Variants in BTC observed in about 807,000 individuals in gnomAD.
BTC encodes betacellulin.
In BTC, 13 loss-of-function variants were observed where a neutral mutation model predicts 18.1. The observed-to-expected ratio is 0.72, with a 90% CI of 0.47 to 1.14. The LOEUF (loss-of-function observed/expected upper bound fraction) is 1.14, where lower values mean the gene tolerates loss of function less well. Among genes scored for constraint, BTC ranks in the 50% most tolerant of loss-of-function variants. The pLI is 0.00. For synonymous variants in BTC, 83 were observed against 79.4 expected (o/e 1.05, Z -0.24); for missense variants, 247 against 224.2 (o/e 1.10, Z -0.65).
At chr4:74,774,475 C>A (rs563456122) in intron 1 of BTC, among the ~76,000 whole-genome samples, 2 of 152,050 alleles carry the variant, frequency 1.3e-5, no homozygotes, top group Non-Finnish European at 2.9e-5. Flanking sequence ...GTGCAAAGAT[C>A]TGCTATTTAC....
intron 2 of BTC, among the ~76,000 whole-genome samples, chr4:74,765,778 C>T (rs941569753): frequency 1.3e-5 from 2 of 152,114 alleles, no homozygotes; most frequent in African/African-American, 4.8e-5. Context: ...CTCCATCACA[C>T]TCAGTGGATT....
chr4:74,750,324 G>A (rs1459686976), intron 4 of BTC, among the ~76,000 whole-genome samples: 2 of 152,102 alleles, frequency 1.3e-5, no homozygotes, highest in Admixed American at 6.5e-5. Context: ...TTAGAAAATA[G>A]AAGTCTTATG....
chr4:74,783,379 T>C (rs1725388834), intron 1 of BTC, among the ~76,000 whole-genome samples: 1 of 152,142 alleles, frequency 6.6e-6, no homozygotes, highest in Non-Finnish European at 1.5e-5. Flanking sequence ...TTGCTTGTTT[T>C]TGTCAGGTTT....
chr4:74,752,027 T>C (rs7686573), intron 3 of BTC, among the ~76,000 whole-genome samples: 53,306 of 152,042 alleles, frequency 0.35, 10,106 homozygotes, highest in Non-Finnish European at 0.43. Flanking sequence ...CTATAGCTTA[T>C]GCTTGACAAA....
chr4:74,775,929 T>A (rs1725164248), intron 1 of BTC, among the ~76,000 whole-genome samples: 1 of 152,192 alleles, frequency 6.6e-6, no homozygotes, highest in South Asian at 2.1e-4. Flanking sequence ...CTTGTCGTCC[T>A]GTCCTAAATG....
chr4:74,781,441 A>G (rs72867590), intron 1 of BTC, among the ~76,000 whole-genome samples: 27,061 of 149,828 alleles, frequency 0.18, 4,056 homozygotes, highest in African/African-American at 0.42. Context: ...ACAATCTCTT[A>G]TCCCTTGTCT....
chr4:74,791,778 T>G (rs1031879170), intron 1 of BTC, among the ~76,000 whole-genome samples: 3 of 152,208 alleles, frequency 2.0e-5, no homozygotes, highest in Non-Finnish European at 4.4e-5. Flanking sequence ...CACATGTTAT[T>G]TTGTTTACTT....
At chr4:74,754,378 G>A (rs1025323237) in intron 3 of BTC, among the ~76,000 whole-genome samples, 1 of 152,176 alleles carries the variant, frequency 6.6e-6, no homozygotes, top group Non-Finnish European at 1.5e-5. Context: ...GTCACAGAAG[G>A]CACATTTAAA....
At chr4:74,761,134 G>GAA (rs71657340) in intron 2 of BTC, among the ~76,000 whole-genome samples, 49,536 of 149,958 alleles carry the variant, frequency 0.33, 10,081 homozygotes, top group East Asian at 0.55. Context: ...CCCTTTGGAG[G>GAA]AAAAAAAAAA....
chr4:74,773,944 T>G (rs1196090182), intron 1 of BTC, among the ~76,000 whole-genome samples: 2 of 150,612 alleles, frequency 1.3e-5, no homozygotes, highest in African/African-American at 5.0e-5. Flanking sequence ...CAGTATAATA[T>G]GTACAACAAC....
At chr4:74,779,552 C>A (rs1182403783) in intron 1 of BTC, among the ~76,000 whole-genome samples, 1 of 152,002 alleles carries the variant, frequency 6.6e-6, no homozygotes, top group Non-Finnish European at 1.5e-5. Flanking sequence ...CACTGAATTT[C>A]TATAGTAGTT....
chr4:74,782,649 G>C (rs1425669399), intron 1 of BTC, among the ~76,000 whole-genome samples: 1 of 152,090 alleles, frequency 6.6e-6, no homozygotes, highest in African/African-American at 2.4e-5. Context: ...TGGTAGTTCT[G>C]CCTCTAGGTC....
chr4:74,784,368 G>A (rs954141699), intron 1 of BTC, among the ~76,000 whole-genome samples: 7 of 152,028 alleles, frequency 4.6e-5, no homozygotes, highest in East Asian at 1.9e-4. Context: ...ATAGGATCCT[G>A]TCATCTGCAA....
intron 1 of BTC, among the ~76,000 whole-genome samples, chr4:74,782,251 G>A (rs1241233208): frequency 2.6e-5 from 4 of 151,982 alleles, no homozygotes; most frequent in African/African-American, 9.7e-5. Flanking sequence ...TATTCTTCCT[G>A]ATGCTCTCCC....
chr4:74,756,554 C>T (rs1431315353), intron 2 of BTC, among the ~76,000 whole-genome samples: 1 of 152,190 alleles, frequency 6.6e-6, no homozygotes, highest in Non-Finnish European at 1.5e-5. Flanking sequence ...AGTGGAAAAA[C>T]TGGGACTCAA....
chr4:74,755,534 A>G (rs1388260938), intron 3 of BTC, among the ~76,000 whole-genome samples: 1 of 152,234 alleles, frequency 6.6e-6, no homozygotes, highest in East Asian at 1.9e-4. Flanking sequence ...AACACTTGCC[A>G]GAATAATTCA....
At chr4:74,784,499 T>C (rs1725426100) in intron 1 of BTC, among the ~76,000 whole-genome samples, 1 of 152,214 alleles carries the variant, frequency 6.6e-6, no homozygotes, top group Admixed American at 6.5e-5. Context: ...CCTTGTCTTT[T>C]GCTGCTTTTT....
At chr4:74,755,718 A>C in intron 3 of BTC, 141 bp downstream of exon 3, 3 of 753,736 alleles carry the variant, frequency 4.0e-6, no homozygotes, top group Non-Finnish European at 6.6e-6. Flanking sequence ...GTGGGCCCCT[A>C]AACAAGTGGC....
intron 1 of BTC, among the ~76,000 whole-genome samples, chr4:74,778,962 T>A (rs1722499511): frequency 6.6e-6 from 1 of 152,132 alleles, no homozygotes; most frequent in Non-Finnish European, 1.5e-5. Flanking sequence ...AATCACATCA[T>A]CTGGAGAACT....
Sources: gnomAD v4.1 joint callset for allele counts (sites outside exome capture counted in the v4.1 genomes callset) on GRCh38, gnomAD v4.1.1 for gene constraint, MANE v1.5 for transcripts, NCBI Gene and HGNC (gene_info 2026-07-23, HGNC 2026-07-21) for gene names.